DDB1: variants seen among roughly 807,000 people sequenced by gnomAD.
The protein encoded by DDB1 is damage specific DNA binding protein 1.
Under a neutral mutation model 133.1 loss-of-function variants are expected in DDB1, and 18 were observed. That is an observed-to-expected ratio of 0.14 (90% CI 0.09 to 0.20). The LOEUF is 0.20. DDB1 is among the 10% of genes least tolerant of loss of function. The pLI is 1.00. For missense variants in DDB1, 828 were observed against 1,459.2 expected, an observed-to-expected ratio of 0.57 and a Z score of 7.05; for synonymous variants, 580 against 550.5, an observed-to-expected ratio of 1.05 and a Z score of -0.75.
chr11:61,321,876 A>G lies in DDB1; in HGVS notation c.1123-179T>C, dbSNP rs1018198845. 92 of 606,768 alleles carry G rather than the reference A, an allele frequency of 1.5e-4. 1 individual carries two copies. In the East Asian group the frequency reaches 2.5e-3, roughly 17 times the overall value. The allele number at this position is 606,768 out of a possible 1,614,324, so 37.6% of individuals were successfully genotyped here. On this transcript the variant is annotated intron_variant, in intron 9 of 26. Coordinates refer to ENST00000301764, the MANE Select transcript of DDB1 (RefSeq NM_001923.5). ...AGTCTTTCAAATTTACAGAGCAGAC[A>G]GGACATCCTAGTCCAGGAAGCAAAA... is the stretch of plus-strand genomic sequence containing the variant.
chr11:61,305,718 GGA>G (rs967970145), intron 21 of DDB1, among the ~76,000 whole-genome samples: 14 of 152,204 alleles, frequency 9.2e-5, no homozygotes, highest in African/African-American at 3.1e-4. Context: ...CCATCGCCTT[GGA>G]GAGAGTCAAG....
rs1266077741 is a variant in DDB1 at position 61,302,152 on chromosome 11, C to T, written c.3215+105G>A. The T allele has an allele frequency of 5.0e-6, 5 of 1,001,446 alleles. No individual in the cohort carries two copies. The Admixed American group carries it at 5.6e-5, about 11-fold the overall frequency. 62.0% of individuals were successfully genotyped at this position (1,001,446 alleles called of 1,614,324 possible). On this transcript the variant is annotated intron_variant, in intron 25 of 26. Coordinates refer to ENST00000301764, the MANE Select transcript of DDB1 (RefSeq NM_001923.5). ...AACAAAACAAAAAACCTGTTCTGTACAGGAACCTAATCAAGACATGTAGTA... is the reference window on the plus strand; with the variant it reads ...AACAAAACAAAAAACCTGTTCTGTATAGGAACCTAATCAAGACATGTAGTA...
chr11:61,324,205 G>A, intron 6 of DDB1, 68 bp from the exon 7 acceptor site: 1 of 1,576,518 alleles, frequency 6.3e-7, no homozygotes, highest in East Asian at 2.2e-5. Flanking sequence ...AACCCTACTG[G>A]ACCACTCCCT....
intron 6 of DDB1, chr11:61,324,395 A>T: frequency 2.5e-6 from 1 of 396,444 alleles, no homozygotes; most frequent in Non-Finnish European, 4.7e-6. Flanking sequence ...ATTCTGCAGG[A>T]AAATAGAAAT....
intron 5 of DDB1, chr11:61,325,980 T>A (rs1417481861): frequency 5.8e-6 from 3 of 520,280 alleles, no homozygotes; most frequent in African/African-American, 5.8e-5. Context: ...TTCTTCCCCA[T>A]GCATTCTCCC....
Position 61,321,695 on chromosome 11 carries a change from C to A in DDB1, c.1125G>T (p.Leu375=). ...VDLERQGQGQ[L]VTCSGAFKEG... ...CCTTGAAAGCCCCAGAGCAAGTGACCAGCTGCAAGCAGAGAAAACGTTTCT... is the reference window on the plus strand; with the variant it reads ...CCTTGAAAGCCCCAGAGCAAGTGACAAGCTGCAAGCAGAGAAAACGTTTCT... Residue 375 remains leucine, a splice_region_variant and synonymous_variant, in exon 10 of 27, where the codon CTG becomes CTT. Coordinates refer to ENST00000301764, the MANE Select transcript of DDB1 (RefSeq NM_001923.5). 6.2e-7 allele frequency: 1 copy of A among 1,614,044 alleles called. No individual in the cohort carries two copies. Among genetic ancestry groups the A allele is most frequent in the South Asian group, 1.1e-5 (1 of 91,080 alleles).
At chr11:61,320,812 G>A (rs1356065510) in intron 10 of DDB1, among the ~76,000 whole-genome samples, 2 of 151,404 alleles carry the variant, frequency 1.3e-5, no homozygotes, top group Non-Finnish European at 2.9e-5. Flanking sequence ...TGACAGCTAT[G>A]TTCCATATCA....
chr11:61,303,060 C>T lies in DDB1; in HGVS notation c.2928G>A (p.Val976=), dbSNP rs369730605. The change falls in exon 23 of 27, where the codon GTG becomes GTA. Residue 976 remains valine, a synonymous_variant. Coordinates refer to ENST00000301764, the MANE Select transcript of DDB1 (RefSeq NM_001923.5). The part of the protein sequence containing the change: ...LGAENAFNLF[V]CQKDSAATTD... ...CCACTACTCACCTATCCTTTTGACA[C>T]ACAAACAAGTTAAAGGCATTTTCAG... The T allele has an allele frequency of 2.0e-5, 33 of 1,614,064 alleles. No homozygotes were observed. The African/African-American group carries it at 4.1e-4, about 20-fold the overall frequency.
intron 2 of DDB1, 140 bp downstream of exon 2, chr11:61,331,403 G>C: frequency 8.7e-7 from 1 of 1,144,178 alleles, no homozygotes; most frequent in Admixed American, 2.7e-5. Context: ...GGGATTGCTT[G>C]AGCTCAGGAG....
chr11:61,320,722 T>C lies in DDB1; in HGVS notation c.1225+873A>G, dbSNP rs181840418. Among the ~76,000 whole-genome samples, 333 of 152,286 alleles carry C rather than the reference T, an allele frequency of 2.2e-3. 1 individual carries two copies. Among genetic ancestry groups the C allele is most frequent in the African/African-American group, 7.5e-3 (313 of 41,558 alleles). On this transcript the variant is annotated intron_variant, in intron 10 of 26. Coordinates refer to ENST00000301764, the MANE Select transcript of DDB1 (RefSeq NM_001923.5). ...TACTCTTTTAAAGATGTGCCTCCTA[T>C]ATACAACTTTAAGGTGGTTTTGTTT...
intron 13 of DDB1, 48 bp downstream of exon 13, chr11:61,314,260 T>G (rs1856027958): frequency 1.3e-6 from 2 of 1,593,276 alleles, no homozygotes; most frequent in Middle Eastern, 1.7e-4. Context: ...CTCAAAGAAG[T>G]CCTAGAGAAA....
chr11:61,316,586 A>T lies in DDB1; in HGVS notation c.1226-19T>A, dbSNP rs762941861. The T allele has an allele frequency of 6.2e-7, 1 of 1,613,674 alleles. No individual in the cohort carries two copies. Among genetic ancestry groups the T allele is most frequent in the Non-Finnish European group, 8.5e-7 (1 of 1,179,730 alleles). ...CATAATCCTGGAACAAGGACCAAGGATTCAGATGCATAGGACAGACCAACA... is the reference window on the plus strand; with the variant it reads ...CATAATCCTGGAACAAGGACCAAGGTTTCAGATGCATAGGACAGACCAACA... On this transcript the variant is annotated intron_variant, in intron 10 of 26. Transcript: ENST00000301764.
chr11:61,327,337 C>A (rs547454814), intron 4 of DDB1, among the ~76,000 whole-genome samples: 55 of 151,966 alleles, frequency 3.6e-4, no homozygotes, highest in African/African-American at 1.3e-3. Flanking sequence ...GGCATGGGGG[C>A]GCGTGCCTAC....
Position 61,326,897 on chromosome 11 carries a change from G to C in DDB1, c.550-4C>G, listed in dbSNP as rs911685256. The C allele has an allele frequency of 5.6e-6, 9 of 1,610,126 alleles. No individual in the cohort carries two copies. Among genetic ancestry groups the C allele is most frequent in the East Asian group, 2.2e-5 (1 of 44,866 alleles). On this transcript the variant is annotated splice_polypyrimidine_tract_variant and splice_region_variant and intron_variant, in intron 4 of 26. Transcript: ENST00000301764. ...TTACGTGCCGCCCCTGAGGGTCCTG[G>C]GGGGGAAAGGTAAAATGGTTAGCCC...
intron 21 of DDB1, 117 bp from the exon 22 acceptor site, chr11:61,304,152 G>GA: frequency 8.7e-7 from 1 of 1,147,102 alleles, no homozygotes; most frequent in Non-Finnish European, 1.2e-6. Flanking sequence ...TGCGGGACAG[G>GA]AAACGGTTTT....
Position 61,327,704 on chromosome 11 carries a change from T to C in DDB1, c.550-811A>G, listed in dbSNP as rs28720271. ...CCTCCTTTTTCTGAATTATGACTCA[T>C]GTCAGTCCTGGGACTGCCAAGGTCA... On this transcript the variant is annotated intron_variant, in intron 4 of 26. Transcript: ENST00000301764. Among the ~76,000 whole-genome samples the C allele has an allele frequency of 1.8e-3, 278 of 152,296 alleles. 3 individuals carry two copies. The highest frequency in any genetic ancestry group is 6.5e-3 in the African/African-American group (272 of 41,566).
intron 20 of DDB1, 69 bp from the exon 21 acceptor site, chr11:61,309,146 G>T (rs1855920712): frequency 2.0e-6 from 3 of 1,472,322 alleles, no homozygotes; most frequent in South Asian, 2.3e-5. Context: ...GAATCCTCTG[G>T]TTGCCCCTGT....
Position 61,329,485 on chromosome 11 carries a change from T to C in DDB1, c.427A>G (p.Ile143Val), listed in dbSNP as rs1159182973. The stretch of plus-strand genomic sequence containing the variant: ...TCTTTATTATCGCGATCTAGTGGAA[T>C]AACCTTGAAAAGGCCATCATAGAGA... ...LRLYDGLFKV[I>V]PLDRDNKELK... Residue 143 changes from isoleucine to valine, a missense_variant, in exon 4 of 27, where the codon ATT (isoleucine) becomes GTT (valine). Ile to Val is a conservative substitution (Grantham distance 29, BLOSUM62 3). Coordinates refer to ENST00000301764, the MANE Select transcript of DDB1 (RefSeq NM_001923.5). 2 of 1,614,180 alleles carry C rather than the reference T, an allele frequency of 1.2e-6. No homozygotes were observed. Among genetic ancestry groups the C allele is most frequent in the South Asian group, 2.2e-5 (2 of 91,082 alleles).
intron 1 of DDB1, 50 bp downstream of exon 1, chr11:61,332,858 C>G (rs1856428600): frequency 2.2e-6 from 3 of 1,392,228 alleles, no homozygotes; most frequent in Non-Finnish European, 2.8e-6. Context: ...TAGGCCGCGG[C>G]TCCCCCCAAC....
Sources: allele counts gnomAD v4.1 joint callset (sites outside exome capture counted in the v4.1 genomes callset), GRCh38; gene constraint gnomAD v4.1.1; transcripts MANE v1.5; gene names NCBI Gene and HGNC (gene_info 2026-07-23, HGNC 2026-07-21).